The following ZC3H6 variants were observed in gnomAD, a reference collection of about 807,000 sequenced individuals.
The protein encoded by ZC3H6 is zinc finger CCCH domain-containing protein 6.
ZC3H6 carries 40 observed loss-of-function variants against 107.7 expected under a neutral mutation model. The ratio of observed to expected loss-of-function variants is 0.37; its 90% CI spans 0.29 to 0.48. The LOEUF is 0.48. Among genes scored for constraint, ZC3H6 ranks in the 20% least tolerant of loss-of-function variants. ZC3H6 has a pLI of 0.98. For missense variants in ZC3H6, 1,267 were observed against 1,410.4 expected, an observed-to-expected ratio of 0.90 and a Z score of 1.63; for synonymous variants, 493 against 487.9, an observed-to-expected ratio of 1.01 and a Z score of -0.14.
chr2:112,329,058 G>A (rs6751146), intron 11 of ZC3H6, among the ~76,000 whole-genome samples: 77,537 of 151,960 alleles, frequency 0.51, 21,975 homozygotes, highest in East Asian at 0.77. Flanking sequence ...ATAATTGGTA[G>A]TGTTCTATGG....
At chr2:112,276,925 C>T (rs371539744) in intron 1 of ZC3H6, among the ~76,000 whole-genome samples, 42 of 152,258 alleles carry the variant, frequency 2.8e-4, no homozygotes, top group Non-Finnish European at 4.9e-4. Flanking sequence ...ATTTGAAAAT[C>T]TAGAACCTCA....
rs115727398 is a variant in ZC3H6 at position 112,297,502 on chromosome 2, A to G, written c.33-2347A>G. 6.3e-3 allele frequency among the ~76,000 whole-genome samples: 967 copies of G among 152,328 alleles called. 15 individuals are homozygous for G. The highest frequency in any genetic ancestry group is 0.022 in the African/African-American group (925 of 41,558). On this transcript the variant is annotated intron_variant, in intron 1 of 11. Transcript: ENST00000409871. ...TATAGTGTTTTGGAAGTATGATTAAATGTTAAAATTGTTTTATGTATTCAT... is the reference window on the plus strand; with the variant it reads ...TATAGTGTTTTGGAAGTATGATTAAGTGTTAAAATTGTTTTATGTATTCAT...
Position 112,338,570 on chromosome 2 carries a change from A to C in ZC3H6, c.*6082A>C, listed in dbSNP as rs1677173995. Reference sequence around the variant, plus strand: ...TTTTAAGCTTAGAGTTTATAAGAAAAAAGTGAATATATAGCTAATTATAGC... The same window carrying C: ...TTTTAAGCTTAGAGTTTATAAGAAACAAGTGAATATATAGCTAATTATAGC... On this transcript the variant is annotated 3_prime_UTR_variant, in exon 12 of 12. Transcript: ENST00000409871. The C allele has an allele frequency of 6.6e-6, 1 of 152,082 alleles. No individual in the cohort carries two copies. The highest frequency in any genetic ancestry group is 2.4e-5 in the African/African-American group (1 of 41,410). 9.4% of individuals were successfully genotyped at this position (152,082 alleles called of 1,614,324 possible).
intron 1 of ZC3H6, among the ~76,000 whole-genome samples, chr2:112,297,322 A>G (rs1386320419): frequency 6.6e-6 from 1 of 152,210 alleles, no homozygotes; most frequent in East Asian, 1.9e-4. Context: ...TGACATGATC[A>G]GTTTTGTATT....
chr2:112,286,762 T>C lies in ZC3H6; in HGVS notation c.32+10736T>C, dbSNP rs1184258900. On this transcript the variant is annotated intron_variant, in intron 1 of 11. Coordinates refer to ENST00000409871, the MANE Select transcript of ZC3H6 (RefSeq NM_198581.3). ...AGATTTTTGTTATACTGTTTAGATA[T>C]GATGGTAACTGAATGATCATGCAAT... Among the ~76,000 whole-genome samples, 3 of 152,156 alleles carry C rather than the reference T, an allele frequency of 2.0e-5. No individual in the cohort carries two copies. The East Asian group carries it at 5.8e-4, about 29-fold the overall frequency.
intron 1 of ZC3H6, among the ~76,000 whole-genome samples, chr2:112,291,423 G>A (rs1288048955): frequency 2.6e-5 from 4 of 152,126 alleles, no homozygotes; most frequent in African/African-American, 4.8e-5. Context: ...TAGTAGAGAC[G>A]GGGTTTCGCC....
At chr2:112,321,696 G>T in intron 7 of ZC3H6, 60 bp from the exon 8 acceptor site, 2 of 913,326 alleles carry the variant, frequency 2.2e-6, no homozygotes, top group Non-Finnish European at 1.6e-6. Flanking sequence ...TGTAGGTTTT[G>T]GTTTAAAAAA....
rs573006426 is a variant in ZC3H6, at chr2:112,315,391, C to T, written c.748-1079C>T. ...TTTAAAAGTTAAAAGTAATACACGC[C>T]GCCTGTTTGTTTGCCCTTTTTTTCC... On this transcript the variant is annotated intron_variant, in intron 5 of 11. Transcript: ENST00000409871. 5.3e-5 allele frequency among the ~76,000 whole-genome samples: 8 copies of T among 152,122 alleles called. No individual in the cohort carries two copies. The East Asian group carries it at 1.2e-3, about 22-fold the overall frequency.
chr2:112,301,700 T>A (rs1257981865), intron 2 of ZC3H6, among the ~76,000 whole-genome samples: 1 of 151,758 alleles, frequency 6.6e-6, no homozygotes, highest in Non-Finnish European at 1.5e-5. Context: ...GAAAACAATA[T>A]AAGCTATGCT....
chr2:112,314,210 C>T (rs982628295), intron 5 of ZC3H6, among the ~76,000 whole-genome samples: 16 of 150,592 alleles, frequency 1.1e-4, no homozygotes, highest in African/African-American at 3.4e-4. Context: ...TTTTTTTATT[C>T]GCAGTACTGT....
chr2:112,295,143 T>G (rs1473657606), intron 1 of ZC3H6, among the ~76,000 whole-genome samples: 2 of 152,160 alleles, frequency 1.3e-5, no homozygotes, highest in Non-Finnish European at 2.9e-5. Flanking sequence ...TAGATTTGCC[T>G]AAGATATAAA....
chr2:112,324,144 G>A lies in ZC3H6; in HGVS notation c.1341-8G>A, dbSNP rs1416865778. 2 of 1,554,756 alleles carry A rather than the reference G, an allele frequency of 1.3e-6. No homozygotes were observed. Among genetic ancestry groups the A allele is most frequent in the South Asian group, 1.2e-5 (1 of 82,688 alleles). On this transcript the variant is annotated splice_region_variant and splice_polypyrimidine_tract_variant and intron_variant, in intron 9 of 11. Transcript: ENST00000409871. ...TGAACTAAGAAATATTATTATTTCT[G>A]TCTACAGGCCACCAGCATTTTATAC...
chr2:112,334,280 A>T lies in ZC3H6; in HGVS notation c.*1792A>T, dbSNP rs529055378. ...ACATATATATATATCCCAAGGTGTA[A>T]TTTACTCTTTTGTCAGGATAAAATC... On this transcript the variant is annotated 3_prime_UTR_variant, in exon 12 of 12. Transcript: ENST00000409871. The T allele has an allele frequency of 6.6e-6, 1 of 152,190 alleles. No individual in the cohort carries two copies. Among genetic ancestry groups the T allele is most frequent in the Non-Finnish European group, 1.5e-5 (1 of 67,946 alleles). 9.4% of individuals were successfully genotyped at this position (152,190 alleles called of 1,614,324 possible).
chr2:112,319,395 C>A (rs1156922488), intron 7 of ZC3H6, among the ~76,000 whole-genome samples: 1 of 152,128 alleles, frequency 6.6e-6, no homozygotes, highest in East Asian at 1.9e-4. Context: ...CCTGTAATCC[C>A]ACCACTTTCG....
chr2:112,320,694 C>CA (rs1490833104), intron 7 of ZC3H6, among the ~76,000 whole-genome samples: 1 of 151,918 alleles, frequency 6.6e-6, no homozygotes, highest in South Asian at 2.1e-4. Context: ...GAAAGCTTTC[C>CA]ATCTATTCTT....
chr2:112,290,480 T>A (rs1676091654), intron 1 of ZC3H6, among the ~76,000 whole-genome samples: 1 of 152,276 alleles, frequency 6.6e-6, no homozygotes, highest in South Asian at 2.1e-4. Context: ...CTACTTCGTA[T>A]ACTTGTGTGG....
intron 3 of ZC3H6, among the ~76,000 whole-genome samples, chr2:112,308,603 G>T (rs1379667974): frequency 1.3e-5 from 2 of 149,722 alleles, no homozygotes; most frequent in African/African-American, 4.9e-5. Context: ...GCTCATTTTT[G>T]TATTTTTTGG....
intron 1 of ZC3H6, among the ~76,000 whole-genome samples, chr2:112,291,398 C>T (rs953884599): frequency 3.3e-5 from 5 of 152,122 alleles, no homozygotes; most frequent in African/African-American, 1.2e-4. Flanking sequence ...TATTCCTGGC[C>T]AATTTTTGTA....
At chr2:112,320,951 G>C (rs1676790403) in intron 7 of ZC3H6, among the ~76,000 whole-genome samples, 1 of 152,030 alleles carries the variant, frequency 6.6e-6, no homozygotes, top group Non-Finnish European at 1.5e-5. Flanking sequence ...ATTTTACTAA[G>C]AGGATTTTTT....
Sources: gnomAD v4.1 joint callset for allele counts (sites outside exome capture counted in the v4.1 genomes callset) on GRCh38, gnomAD v4.1.1 for gene constraint, MANE v1.5 for transcripts, NCBI Gene and HGNC (gene_info 2026-07-23, HGNC 2026-07-21) for gene names.